The following POU6F2 variants were observed in gnomAD, a reference collection of about 807,000 sequenced individuals.
POU6F2 encodes POU class 6 homeobox 2, also known as POU domain, class 6, transcription factor 2.
A neutral mutation model predicts 71.3 loss-of-function variants in POU6F2; 31 were observed. That is an observed-to-expected ratio of 0.43 (90% confidence interval 0.33 to 0.59). The LOEUF is 0.59. Among genes scored for constraint, POU6F2 ranks in the 20% least tolerant of loss-of-function variants. The pLI is 0.04. For synonymous variants in POU6F2, 347 were observed against 355.7 expected (o/e 0.98, Z 0.27); for missense variants, 783 against 856.8 (o/e 0.91, Z 1.07).
intron 1 of POU6F2, among the ~76,000 whole-genome samples, chr7:39,015,002 T>C (rs1018575423): frequency 6.6e-6 from 1 of 152,028 alleles, no homozygotes; most frequent in South Asian, 2.1e-4. Flanking sequence ...ATGATCGTCT[T>C]CCTCCTCGTG....
At chr7:39,204,542 G>A (rs985382896) in intron 3 of POU6F2, among the ~76,000 whole-genome samples, 4 of 148,670 alleles carry the variant, frequency 2.7e-5, no homozygotes, top group Admixed American at 2.1e-4. Context: ...TAAAGGAAAG[G>A]TTGGCTTTAA....
intron 1 of POU6F2, among the ~76,000 whole-genome samples, chr7:39,000,897 T>G (rs1225578037): frequency 2.6e-5 from 4 of 152,202 alleles, no homozygotes; most frequent in Admixed American, 6.5e-5. Flanking sequence ...AAAAATGACC[T>G]GCCCAGTGTT....
At chr7:39,139,946 A>G (rs2128731528) in intron 2 of POU6F2, among the ~76,000 whole-genome samples, 1 of 152,330 alleles carries the variant, frequency 6.6e-6, no homozygotes, top group South Asian at 2.1e-4. Context: ...TGTCAATGCC[A>G]TTTTTATAGC....
intron 4 of POU6F2, among the ~76,000 whole-genome samples, chr7:39,282,594 G>C (rs1326170713): frequency 6.6e-6 from 1 of 152,034 alleles, no homozygotes; most frequent in Non-Finnish European, 1.5e-5. Flanking sequence ...TTCGCTGTAA[G>C]TGTATGGATT....
chr7:39,445,911 G>A (rs1472857522), intron 7 of POU6F2, among the ~76,000 whole-genome samples: 1 of 152,146 alleles, frequency 6.6e-6, no homozygotes, highest in African/African-American at 2.4e-5. Flanking sequence ...AAATCTGTGT[G>A]GTCCTCCAAC....
chr7:39,058,279 T>G (rs1790576877), intron 1 of POU6F2, among the ~76,000 whole-genome samples: 1 of 152,138 alleles, frequency 6.6e-6, no homozygotes, highest in Non-Finnish European at 1.5e-5. Flanking sequence ...AGCCAGTCAA[T>G]GCCCCCGGAT....
rs544338041 is a variant in POU6F2, at chr7:39,368,220, G to A, written c.972+28205G>A. On this transcript the variant is annotated intron_variant, in intron 5 of 9. Transcript: ENST00000518318. ...TGTACCAGTTAGCCAAGTTGTGAAT[G>A]CAAAGAAAAAGTTCTTGAAGGAAAT... 1.8e-4 allele frequency among the ~76,000 whole-genome samples: 27 copies of A among 152,316 alleles called. No homozygotes were observed. The South Asian group carries it at 4.8e-3, about 27-fold the overall frequency.
At chr7:39,077,436 A>G (rs1791024274) in intron 1 of POU6F2, among the ~76,000 whole-genome samples, 1 of 152,162 alleles carries the variant, frequency 6.6e-6, no homozygotes, top group Admixed American at 6.5e-5. Flanking sequence ...TTATGTTGTT[A>G]TTTCAGTCTA....
At chr7:39,343,812 AT>A in intron 5 of POU6F2, among the ~76,000 whole-genome samples, 1 of 152,264 alleles carries the variant, frequency 6.6e-6, no homozygotes, top group East Asian at 1.9e-4. Context: ...TGAATCTATA[AT>A]CTCAATGTTA....
At chr7:39,176,120 C>T (rs555502050) in intron 2 of POU6F2, among the ~76,000 whole-genome samples, 15 of 152,208 alleles carry the variant, frequency 9.9e-5, no homozygotes, top group African/African-American at 2.4e-4. Context: ...TGCTTAACTC[C>T]GCCAAATAAC....
Position 39,460,748 on chromosome 7 carries a change from A to AAAT in POU6F2, c.1658+33_1658+34insAAT. 1 of 1,527,396 alleles carries AAAT rather than the reference A, an allele frequency of 6.5e-7. No homozygotes were observed. Among genetic ancestry groups the AAAT allele is most frequent in the Non-Finnish European group, 8.8e-7 (1 of 1,136,850 alleles). The allele number at this position is 1,527,396 out of a possible 1,614,324, so 94.6% of individuals were successfully genotyped here. On this transcript the variant is annotated intron_variant, in intron 9 of 9. Coordinates refer to ENST00000518318, the MANE Select transcript of POU6F2 (RefSeq NM_001370959.1). This position sits in a 1 kb window ranked among gnomAD's most constrained non-coding sequence, Gnocchi z 4.4. ...GCGCCTGCATGCTGTCACCTCTTCTAGCCGCCCTGGGCCTCATTTGTCCTC... is the reference window on the plus strand; with the variant it reads ...GCGCCTGCATGCTGTCACCTCTTCTAAATGCCGCCCTGGGCCTCATTTGTCCTC...
chr7:39,402,249 C>G (rs1175514682), intron 5 of POU6F2, among the ~76,000 whole-genome samples: 1 of 152,096 alleles, frequency 6.6e-6, no homozygotes, highest in Non-Finnish European at 1.5e-5. Context: ...TTTATCAAAG[C>G]TTTTTTTCTC....
chr7:39,130,057 ACTCCAT>A (rs1387013642), intron 2 of POU6F2, among the ~76,000 whole-genome samples: 1 of 126,322 alleles, frequency 7.9e-6, no homozygotes, highest in Non-Finnish European at 1.6e-5. Flanking sequence ...ACAGAGCGAG[ACTCCAT>A]CTCAAAAAAA....
At chr7:39,054,112 AAAAAAAG>A (rs1790456397) in intron 1 of POU6F2, among the ~76,000 whole-genome samples, 1 of 152,054 alleles carries the variant, frequency 6.6e-6, no homozygotes, top group African/African-American at 2.4e-5. Context: ...CAAAAAAAAG[AAAAAAAG>A]AAAAAAGAAA....
At chr7:39,207,768 A>C (rs1224700710) in intron 4 of POU6F2, 148 bp downstream of exon 4, 1 of 700,688 alleles carries the variant, frequency 1.4e-6, no homozygotes, top group Non-Finnish European at 2.3e-6. Flanking sequence ...ACAGGAAGCA[A>C]AATTTTCAGT....
chr7:39,163,684 A>G (rs1390845254), intron 2 of POU6F2, among the ~76,000 whole-genome samples: 1 of 152,228 alleles, frequency 6.6e-6, no homozygotes, highest in African/African-American at 2.4e-5. Flanking sequence ...AAGGAAATGA[A>G]ATCAGTATGT....
intron 5 of POU6F2, among the ~76,000 whole-genome samples, chr7:39,360,820 T>C (rs1234006497): frequency 6.6e-6 from 1 of 152,224 alleles, no homozygotes; most frequent in East Asian, 1.9e-4. Flanking sequence ...GACATTGCTA[T>C]GGCATTTGTA....
chr7:39,237,275 C>T (rs1794692281), intron 4 of POU6F2, among the ~76,000 whole-genome samples: 1 of 152,146 alleles, frequency 6.6e-6, no homozygotes, highest in East Asian at 1.9e-4. Flanking sequence ...GGATGCTGGG[C>T]CTACCTAATT....
At chr7:39,290,273 G>A (rs1784726863) in intron 4 of POU6F2, among the ~76,000 whole-genome samples, 1 of 152,154 alleles carries the variant, frequency 6.6e-6, no homozygotes, top group Non-Finnish European at 1.5e-5. Context: ...TCAGAATCCA[G>A]ATCTCACCGG....
Sources: allele counts gnomAD v4.1 joint callset (sites outside exome capture counted in the v4.1 genomes callset), GRCh38; gene constraint gnomAD v4.1.1; non-coding constraint Gnocchi (gnomAD v3.1); transcripts MANE v1.5; gene names NCBI Gene and HGNC (gene_info 2026-07-23, HGNC 2026-07-21).